TSGA10: variants seen among roughly 807,000 people sequenced by gnomAD.
TSGA10 encodes the protein testis-specific gene 10 protein.
TSGA10 carries 43 observed loss-of-function variants against 96.6 expected under a neutral mutation model. That is an observed-to-expected ratio of 0.44 (90% CI 0.35 to 0.57). The LOEUF (loss-of-function observed/expected upper bound fraction) is 0.57, where lower values mean the gene tolerates loss of function less well. Ranked by LOEUF, TSGA10 falls within the 20% of genes least tolerant of loss-of-function variation. The pLI is 0.01. For missense variants in TSGA10, 703 were observed against 834.4 expected, an observed-to-expected ratio of 0.84 and a Z score of 1.94; for synonymous variants, 229 against 269.9, an observed-to-expected ratio of 0.85 and a Z score of 1.48.
At chr2:99,150,702 A>T in intron 1 of TSGA10, 1 of 1,614,124 alleles carries the variant, frequency 6.2e-7, no homozygotes, top group Non-Finnish European at 8.5e-7. Flanking sequence ...AGAAAATAAG[A>T]TTAGAAGACA....
At chr2:99,126,155 T>G (rs540294760) in intron 2 of TSGA10, 14 of 152,578 alleles carry the variant, frequency 9.2e-5, no homozygotes, top group African/African-American at 3.1e-4. Context: ...GAGGCACAAG[T>G]GGGGCTCCTT....
intron 20 of TSGA10, among the ~76,000 whole-genome samples, chr2:99,007,130 T>C (rs1449997225): frequency 5.1e-4 from 68 of 134,640 alleles, no homozygotes; most frequent in Middle Eastern, 7.1e-3. Flanking sequence ...CATCATACAC[T>C]GGGGCCTGTT....
intron 10 of TSGA10, among the ~76,000 whole-genome samples, chr2:99,085,253 A>G (rs2088114381): frequency 6.6e-6 from 1 of 151,738 alleles, no homozygotes; most frequent in African/African-American, 2.4e-5. Flanking sequence ...TCTCAAAATT[A>G]ATTAATTAAT....
intron 10 of TSGA10, among the ~76,000 whole-genome samples, chr2:99,103,385 C>T (rs1036541077): frequency 3.9e-5 from 6 of 152,170 alleles, no homozygotes; most frequent in African/African-American, 1.4e-4. Flanking sequence ...AGTAAAACCA[C>T]TCATGTAGAG....
At chr2:99,062,495 G>C (rs566473643) in intron 16 of TSGA10, among the ~76,000 whole-genome samples, 21 of 152,286 alleles carry the variant, frequency 1.4e-4, no homozygotes, top group African/African-American at 4.6e-4. Context: ...TAGCACTTTG[G>C]GAGGTTGAGG....
At chr2:98,999,970 G>T (rs1028540814) in intron 20 of TSGA10, among the ~76,000 whole-genome samples, 4 of 152,298 alleles carry the variant, frequency 2.6e-5, no homozygotes, top group Admixed American at 2.6e-4. Context: ...TGCCCAGGCT[G>T]GTCTGTAACT....
intron 1 of TSGA10, among the ~76,000 whole-genome samples, chr2:99,134,127 G>A (rs1411498818): frequency 6.6e-6 from 1 of 152,118 alleles, no homozygotes; most frequent in Non-Finnish European, 1.5e-5. Context: ...TGGAATGTTG[G>A]CCTGCCTTGC....
In TSGA10 at chr2:99,154,739, TC is replaced by T. The variant is rs1289412140; in HGVS notation, c.-668del. On this transcript the variant is annotated 5_prime_UTR_variant, in exon 1 of 21. It introduces an in-frame stop codon into an upstream open reading frame of the 5' UTR. Transcript: ENST00000393483. ...ATCTCTGTGCTGTCACGCGGGGAAG[TC>T]CCATCTGAACTGGGGCCTTATGACC... 3.8e-6 allele frequency: 1 copy of T among 261,720 alleles called. No homozygotes were observed. Among genetic ancestry groups the T allele is most frequent in the African/African-American group, 2.3e-5 (1 of 42,924 alleles). The allele number at this position is 261,720 out of a possible 1,614,324, so 16.2% of individuals were successfully genotyped here. A position where few individuals can be genotyped will look rare whatever the true frequency, so the allele number is the denominator to read the frequency against.
intron 10 of TSGA10, among the ~76,000 whole-genome samples, chr2:99,086,979 C>T (rs911964889): frequency 2.0e-5 from 3 of 151,496 alleles, no homozygotes; most frequent in Non-Finnish European, 4.4e-5. Context: ...CCAAGGAGGG[C>T]GAATCACGAG....
At chr2:99,153,170 C>A (rs868868771) in intron 1 of TSGA10, among the ~76,000 whole-genome samples, 3 of 152,102 alleles carry the variant, frequency 2.0e-5, no homozygotes, top group African/African-American at 2.4e-5. Flanking sequence ...TTGAGGTAGT[C>A]AAATGAACAC....
intron 20 of TSGA10, among the ~76,000 whole-genome samples, chr2:99,000,679 G>A (rs1407424720): frequency 6.6e-6 from 1 of 152,196 alleles, no homozygotes; most frequent in Non-Finnish European, 1.5e-5. Flanking sequence ...AGCCCACAGA[G>A]TGTGAGCCAA....
At chr2:99,102,641 G>A (rs2090903220) in intron 10 of TSGA10, 1 of 1,614,112 alleles carries the variant, frequency 6.2e-7, no homozygotes, top group Non-Finnish European at 8.5e-7. Context: ...AACTGCTTGA[G>A]TCAGCTGACA....
chr2:99,069,152 T>C (rs998221434), intron 14 of TSGA10, among the ~76,000 whole-genome samples, 154 bp from the exon 15 acceptor site: 11 of 151,816 alleles, frequency 7.2e-5, no homozygotes, highest in African/African-American at 2.7e-4. Context: ...ATAAGCCCAA[T>C]AGCAAGTGGG....
chr2:99,062,366 T>A (rs1457028783), intron 16 of TSGA10, among the ~76,000 whole-genome samples: 1 of 152,130 alleles, frequency 6.6e-6, no homozygotes, highest in African/African-American at 2.4e-5. Context: ...ATTAGAAACA[T>A]TAGACAATAA....
chr2:99,076,499 T>A (rs2086713685), intron 12 of TSGA10, among the ~76,000 whole-genome samples: 1 of 152,140 alleles, frequency 6.6e-6, no homozygotes, highest in Non-Finnish European at 1.5e-5. Context: ...TTTTATGATT[T>A]TTTTGCTTAA....
intron 16 of TSGA10, among the ~76,000 whole-genome samples, chr2:99,054,156 G>C (rs185198696): frequency 6.6e-6 from 1 of 152,128 alleles, no homozygotes; most frequent in Non-Finnish European, 1.5e-5. Context: ...AAAACAGAAT[G>C]GTAGTGCCAT....
intron 10 of TSGA10, among the ~76,000 whole-genome samples, chr2:99,090,370 C>CA (rs1265641323): frequency 6.6e-6 from 1 of 152,114 alleles, no homozygotes; most frequent in East Asian, 1.9e-4. Flanking sequence ...TTAACACCCT[C>CA]AAAAAATCAC....
chr2:99,125,485 T>C (rs2104980718), intron 2 of TSGA10: 1 of 152,362 alleles, frequency 6.6e-6, no homozygotes, highest in African/African-American at 2.4e-5. Flanking sequence ...AGCATTTATA[T>C]GACTGCTTTA....
chr2:99,131,545 A>T (rs1033157263), intron 1 of TSGA10, among the ~76,000 whole-genome samples: 4 of 152,310 alleles, frequency 2.6e-5, no homozygotes, highest in Admixed American at 2.6e-4. Context: ...TTTTCTAAAT[A>T]TACAATCATG....
Sources: gnomAD v4.1 joint callset for allele counts (sites outside exome capture counted in the v4.1 genomes callset) on GRCh38, gnomAD v4.1.1 for gene constraint, MANE v1.5 for transcripts, NCBI Gene and HGNC (gene_info 2026-07-23, HGNC 2026-07-21) for gene names.